CDK6: variants seen among roughly 807,000 people sequenced by gnomAD.
The protein encoded by CDK6 is cyclin-dependent kinase 6.
CDK6 carries 6 observed loss-of-function variants against 37.1 expected under a neutral mutation model. The observed-to-expected ratio is 0.16, with a 90% CI of 0.09 to 0.32. The LOEUF (loss-of-function observed/expected upper bound fraction) is 0.32. Among genes scored for constraint, CDK6 ranks in the 10% least tolerant of loss-of-function variants. CDK6 has a pLI of 1.00. For synonymous variants in CDK6, 160 were observed against 161.3 expected (o/e 0.99, Z 0.06); for missense variants, 224 against 418.9 (o/e 0.53, Z 4.06).
At chr7:92,661,086 A>C (rs1043990773) in intron 5 of CDK6, among the ~76,000 whole-genome samples, 1 of 152,180 alleles carries the variant, frequency 6.6e-6, no homozygotes. Context: ...TCACGGAGTG[A>C]GTGGCCACAA....
At chr7:92,732,207 C>T (rs1236218887) in intron 3 of CDK6, among the ~76,000 whole-genome samples, 1 of 152,048 alleles carries the variant, frequency 6.6e-6, no homozygotes, top group Non-Finnish European at 1.5e-5. Context: ...CACTTGAGAC[C>T]AGGAGTTTGA....
chr7:92,673,254 T>C (rs918471233), intron 4 of CDK6, among the ~76,000 whole-genome samples: 1 of 152,200 alleles, frequency 6.6e-6, no homozygotes, highest in Non-Finnish European at 1.5e-5. Flanking sequence ...CTGAGTCCGG[T>C]CAACTGACAA....
At position 92,651,725 on chromosome 7, in the gene CDK6, A is replaced by C. The variant is rs1796578821; in HGVS notation, c.647+19701T>G. On this transcript the variant is annotated intron_variant, in intron 5 of 7. Coordinates refer to ENST00000424848, the MANE Select transcript of CDK6 (RefSeq NM_001145306.2). ...AGCAAATGTCTACTCCCAGGAATGC[A>C]TTTCTATAACCTGAAATAATACTAA... Among the ~76,000 whole-genome samples the C allele has an allele frequency of 2.7e-5, 4 of 150,764 alleles. No homozygotes were observed. In the South Asian group the frequency reaches 8.4e-4, roughly 32 times the overall value.
chr7:92,832,413 G>A (rs1212678639), intron 2 of CDK6, among the ~76,000 whole-genome samples: 1 of 152,194 alleles, frequency 6.6e-6, no homozygotes, highest in Non-Finnish European at 1.5e-5. Flanking sequence ...TAAAGAGTAT[G>A]TCCGCCCAGA....
chr7:92,774,916 C>A (rs1799811110), intron 2 of CDK6, 85 bp from the exon 3 acceptor site: 2 of 1,320,266 alleles, frequency 1.5e-6, no homozygotes, highest in Non-Finnish European at 1.0e-6. Context: ...TCAATTTGGT[C>A]TCATAATAGA....
At chr7:92,831,357 G>T (rs1273082067) in intron 2 of CDK6, among the ~76,000 whole-genome samples, 1 of 152,288 alleles carries the variant, frequency 6.6e-6, no homozygotes, top group East Asian at 1.9e-4. Flanking sequence ...CGTTTGGAAG[G>T]ACACTATTCA....
rs1278357256 is a variant in CDK6 at position 92,833,806 on chromosome 7, C to T, written c.-367-116G>A. 1 of 405,124 alleles carries T rather than the reference C, an allele frequency of 2.5e-6. No homozygotes were observed. Among genetic ancestry groups the T allele is most frequent in the East Asian group, 3.6e-5 (1 of 28,114 alleles). The allele number at this position is 405,124 out of a possible 1,614,324, so 25.1% of individuals were successfully genotyped here. A position where few individuals can be genotyped will look rare whatever the true frequency, so the allele number is the denominator to read the frequency against. On this transcript the variant is annotated intron_variant, in intron 1 of 7. Transcript: ENST00000424848. The surrounding 1 kb of genome is among the most constrained non-coding windows in gnomAD (Gnocchi z 6.1). ...TTTACGAAGCCTCCATCGCTACCCT[C>T]CGCGCGCTCCTGCCCTCTCCCAAGC...
At chr7:92,713,667 T>TAAAAAAAAAA (rs535072218) in intron 4 of CDK6, among the ~76,000 whole-genome samples, 693 of 65,368 alleles carry the variant, frequency 0.011, no homozygotes, top group Non-Finnish European at 0.014. Flanking sequence ...TTAAAAAAAG[T>TAAAAAAAAAA]AAAAAAAAAA....
chr7:92,760,161 C>G (rs1044821564), intron 3 of CDK6, among the ~76,000 whole-genome samples: 1 of 152,150 alleles, frequency 6.6e-6, no homozygotes, highest in African/African-American at 2.4e-5. Context: ...AATTTACTCT[C>G]ATCAGCAATT....
At chr7:92,705,121 C>T (rs1797937724) in intron 4 of CDK6, among the ~76,000 whole-genome samples, 1 of 152,178 alleles carries the variant, frequency 6.6e-6, no homozygotes, top group Non-Finnish European at 1.5e-5. Flanking sequence ...ATGTACTCGA[C>T]ATTCTTTCTT....
At chr7:92,810,261 T>C (rs552656782) in intron 2 of CDK6, among the ~76,000 whole-genome samples, 17 of 152,240 alleles carry the variant, frequency 1.1e-4, no homozygotes, top group Non-Finnish European at 2.2e-4. Flanking sequence ...ATGCAGTTTA[T>C]GTGCATTTAA....
In CDK6 at chr7:92,628,787, T is replaced by TG. The variant is rs374552597; in HGVS notation, c.648-5702_648-5701insC. The stretch of plus-strand genomic sequence containing the variant: ...ACAATATCTGCCTGCAAATAATGTG[T>TG]ATTTAAAAACTGGGGCTGGCTGACA... On this transcript the variant is annotated intron_variant, in intron 5 of 7. Transcript: ENST00000424848. 2.9e-3 allele frequency among the ~76,000 whole-genome samples: 436 copies of TG among 152,220 alleles called. 2 individuals are homozygous for TG. Among genetic ancestry groups the TG allele is most frequent in the Non-Finnish European group, 5.6e-3 (381 of 67,994 alleles).
At chr7:92,727,338 T>C (rs928181412) in intron 3 of CDK6, among the ~76,000 whole-genome samples, 4 of 152,222 alleles carry the variant, frequency 2.6e-5, no homozygotes, top group African/African-American at 9.6e-5. Flanking sequence ...ACAGTATATT[T>C]GGTTACTGGT....
intron 2 of CDK6, among the ~76,000 whole-genome samples, chr7:92,819,762 G>A (rs1801123719): frequency 6.6e-6 from 1 of 151,998 alleles, no homozygotes; most frequent in East Asian, 1.9e-4. Flanking sequence ...AACAAAAAAT[G>A]ATGTTTTGAA....
chr7:92,719,537 T>C (rs2116697708), intron 4 of CDK6, among the ~76,000 whole-genome samples: 1 of 152,278 alleles, frequency 6.6e-6, no homozygotes, highest in East Asian at 1.9e-4. Flanking sequence ...AAAAGATTCT[T>C]GGAGAAAGAG....
In CDK6 at chr7:92,611,830, GTC is replaced by G. The variant is rs1795568624; in HGVS notation, c.*3308_*3309del. 1 of 231,738 alleles carries G rather than the reference GTC, an allele frequency of 4.3e-6. No individual in the cohort carries two copies. The highest frequency in any genetic ancestry group is 8.5e-6 in the Non-Finnish European group (1 of 117,182). 14.4% of individuals were successfully genotyped at this position (231,738 alleles called of 1,614,324 possible). On this transcript the variant is annotated 3_prime_UTR_variant, in exon 8 of 8. Coordinates refer to ENST00000424848, the MANE Select transcript of CDK6 (RefSeq NM_001145306.2). The stretch of plus-strand genomic sequence containing the variant: ...AATAATTTTCAACTATTTTTAGTAA[GTC>G]ACCTGGGGCTAAATGAAAAGTCTGC...
At chr7:92,818,709 G>A (rs1801090402) in intron 2 of CDK6, among the ~76,000 whole-genome samples, 1 of 151,974 alleles carries the variant, frequency 6.6e-6, no homozygotes, top group Non-Finnish European at 1.5e-5. Context: ...ACAAAAGACT[G>A]CTCAAGAACT....
At chr7:92,710,607 G>T (rs1798067535) in intron 4 of CDK6, 2 of 489,658 alleles carry the variant, frequency 4.1e-6, no homozygotes, top group South Asian at 8.9e-5. Flanking sequence ...CTAAATATAT[G>T]ATGCTATAAA....
rs575834157 is a variant in CDK6 at position 92,677,077 on chromosome 7, G to A, written c.538-5542C>T. On this transcript the variant is annotated intron_variant, in intron 4 of 7. Coordinates refer to ENST00000424848, the MANE Select transcript of CDK6 (RefSeq NM_001145306.2). ...ATGAAAGCTAAAATTTAGATATCTC[G>A]TTTTTATCCTTAAGATTTTGCTCTA... Among the ~76,000 whole-genome samples, 5 of 151,948 alleles carry A rather than the reference G, an allele frequency of 3.3e-5. No individual in the cohort carries two copies. The South Asian group carries it at 1.0e-3, about 32-fold the overall frequency.
Sources: gnomAD v4.1 joint callset for allele counts (sites outside exome capture counted in the v4.1 genomes callset) on GRCh38, gnomAD v4.1.1 for gene constraint, Gnocchi (gnomAD v3.1) non-coding constraint, MANE v1.5 for transcripts, NCBI Gene and HGNC (gene_info 2026-07-23, HGNC 2026-07-21) for gene names.